Variants in TTF2 observed in about 807,000 individuals in gnomAD.
TTF2 encodes RNA polymerase II termination factor.
Under a neutral mutation model 142.4 loss-of-function variants are expected in TTF2, and 108 were observed. That is an observed-to-expected ratio of 0.76 (90% CI 0.65 to 0.89). The LOEUF is 0.89. TTF2 is among the 40% of genes least tolerant of loss of function. TTF2 has a pLI of 0.00. For missense variants in TTF2, 1,327 were observed against 1,379.8 expected (o/e 0.96, Z 0.61); for synonymous variants, 483 against 506.2 (o/e 0.95, Z 0.61).
intron 18 of TTF2, chr1:117,094,678 G>T: frequency 2.1e-6 from 1 of 487,564 alleles, no homozygotes; most frequent in Non-Finnish European, 4.3e-6. Context: ...GGCCATGTGT[G>T]TACTCACAGC....
intron 2 of TTF2, among the ~76,000 whole-genome samples, chr1:117,061,234 TA>T (rs3835636): frequency 6.6e-6 from 1 of 151,796 alleles, no homozygotes; most frequent in Non-Finnish European, 1.5e-5. Flanking sequence ...TACGAAAAAT[TA>T]AAAAAAATTG....
intron 8 of TTF2, 150 bp downstream of exon 8, chr1:117,078,193 A>G: frequency 1.0e-6 from 1 of 981,006 alleles, no homozygotes; most frequent in Non-Finnish European, 1.4e-6. Context: ...TTTATGCTTA[A>G]CAGTGCAAAC....
At chr1:117,094,800 G>A in intron 18 of TTF2, 1 of 372,998 alleles carries the variant, frequency 2.7e-6, no homozygotes, top group South Asian at 2.1e-5. Context: ...GTATGACAAG[G>A]ACCGTGATAA....
chr1:117,098,894 G>A lies in TTF2; in HGVS notation c.3331G>A (p.Val1111Ile). The change falls in exon 22 of 23, where the codon GTT becomes ATT. Residue 1111 changes from valine (V) to isoleucine (I), a missense_variant. By Grantham distance (29) the Val-to-Ile change is conservative. Transcript: ENST00000369466. Reference protein sequence around the residue: ...RIYRVGQQKDVVIHRFVCEGT... With the variant: ...RIYRVGQQKDIVIHRFVCEGT... ...TTACCGAGTAGGGCAGCAGAAAGAT[G>A]TTGTCATACACAGGTAAGTAATGGT... The A allele has an allele frequency of 6.2e-7, 1 of 1,612,890 alleles. No homozygotes were observed. Among genetic ancestry groups the A allele is most frequent in the Non-Finnish European group, 8.5e-7 (1 of 1,179,616 alleles).
At position 117,090,692 on chromosome 1, in the gene TTF2, G is replaced by A. The variant is rs1648492794; in HGVS notation, c.2588+69G>A. The A allele has an allele frequency of 2.2e-6, 3 of 1,349,726 alleles. No individual in the cohort carries two copies. Among genetic ancestry groups the A allele is most frequent in the Admixed American group, 1.9e-5 (1 of 51,430 alleles). 83.6% of individuals were successfully genotyped at this position (1,349,726 alleles called of 1,614,324 possible). A position where few individuals can be genotyped will look rare whatever the true frequency, so the allele number is the denominator to read the frequency against. On this transcript the variant is annotated intron_variant, in intron 15 of 22. Coordinates refer to ENST00000369466, the MANE Select transcript of TTF2 (RefSeq NM_003594.4). This position sits in a 1 kb window ranked among gnomAD's most constrained non-coding sequence, Gnocchi z 4.8. ...TCCTGTCTTTTCTTGGGAGTGAGTT[G>A]AAGGTCAAATTTCCACAAACTTTAT... is the stretch of plus-strand genomic sequence containing the variant.
chr1:117,064,564 C>T (rs1655936993), intron 3 of TTF2, among the ~76,000 whole-genome samples: 1 of 152,146 alleles, frequency 6.6e-6, no homozygotes, highest in Non-Finnish European at 1.5e-5. Flanking sequence ...GTCTTCCAGG[C>T]TGGAGTGCCG....
Position 117,085,750 on chromosome 1 carries a change from ATAAAG to A in TTF2, c.2055-664_2055-660del, listed in dbSNP as rs1647944603. On this transcript the variant is annotated intron_variant, in intron 11 of 22. Transcript: ENST00000369466. The surrounding 1 kb of genome is among the most constrained non-coding windows in gnomAD (Gnocchi z 4.7). ...TTGTCTCAAAAAATAAATAAATAAAATAAAGTATTTATTGAAGTTCTCACAATATT... is the reference window on the plus strand; with the variant it reads ...TTGTCTCAAAAAATAAATAAATAAAATATTTATTGAAGTTCTCACAATATT... Among the ~76,000 whole-genome samples, 1 of 152,228 alleles carries A rather than the reference ATAAAG, an allele frequency of 6.6e-6. No homozygotes were observed. The highest frequency in any genetic ancestry group is 6.5e-5 in the Admixed American group (1 of 15,288).
rs560146063 is a variant in TTF2 at position 117,075,957 on chromosome 1, G to T, written c.1275+98G>T. On this transcript the variant is annotated intron_variant, in intron 5 of 22. Transcript: ENST00000369466. This position sits in a 1 kb window ranked among gnomAD's most constrained non-coding sequence, Gnocchi z 4.5. ...CTACAGAAGGGTTAAATATGTTCAT[G>T]TGAAGGTTTTATAGGTGCATGTTCA... 2.0e-4 allele frequency: 295 copies of T among 1,482,422 alleles called. 5 individuals are homozygous for T. The South Asian group carries it at 3.9e-3, about 20-fold the overall frequency. The allele number at this position is 1,482,422 out of a possible 1,614,324, so 91.8% of individuals were successfully genotyped here. A position where few individuals can be genotyped will look rare whatever the true frequency, so the allele number is the denominator to read the frequency against.
At chr1:117,084,310 A>G (rs1176021089) in intron 11 of TTF2, 142 bp downstream of exon 11, 3 of 1,076,534 alleles carry the variant, frequency 2.8e-6, no homozygotes, top group Non-Finnish European at 4.0e-6. Context: ...TCTCGTCACC[A>G]TACAGCCTTT....
At position 117,099,036 on chromosome 1, in the gene TTF2, C is replaced by T. The variant is rs1557834064; in HGVS notation, c.3344+129C>T. On this transcript the variant is annotated intron_variant, in intron 22 of 22. Transcript: ENST00000369466. The surrounding 1 kb of genome is among the most constrained non-coding windows in gnomAD (Gnocchi z 4.3). ...GACTTTACTGATGATGCCCCTGAGG[C>T]ATACCTTCAGGCAAACCACAGTCAG... The T allele has an allele frequency of 1.2e-6, 1 of 823,172 alleles. No homozygotes were observed. Among genetic ancestry groups the T allele is most frequent in the Non-Finnish European group, 1.8e-6 (1 of 559,638 alleles). 51.0% of individuals were successfully genotyped at this position (823,172 alleles called of 1,614,324 possible). A position where few individuals can be genotyped will look rare whatever the true frequency, so the allele number is the denominator to read the frequency against.
rs556319225 is a variant in TTF2 at position 117,064,864 on chromosome 1, T to C, written c.218+2391T>C. Among the ~76,000 whole-genome samples, 5 of 151,584 alleles carry C rather than the reference T, an allele frequency of 3.3e-5. No individual in the cohort carries two copies. The East Asian group carries it at 7.8e-4, about 24-fold the overall frequency. On this transcript the variant is annotated intron_variant, in intron 3 of 22. Transcript: ENST00000369466. ...CTTTTTTTTTTTAGTAGCTTTTTCA[T>C]ATAGGTCTATTATCTATATCTTAAA...
chr1:117,076,353 G>A lies in TTF2; in HGVS notation c.1390+59G>A. The A allele has an allele frequency of 1.5e-6, 2 of 1,361,672 alleles. No homozygotes were observed. Among genetic ancestry groups the A allele is most frequent in the Non-Finnish European group, 2.0e-6 (2 of 977,642 alleles). 84.3% of individuals were successfully genotyped at this position (1,361,672 alleles called of 1,614,324 possible). A position where few individuals can be genotyped will look rare whatever the true frequency, so the allele number is the denominator to read the frequency against. Reference sequence around the variant, plus strand: ...GCATCGACTTTACAAGAGACATTCGGGAAGCCCTTTTAATAAAGAATGTGT... The same window carrying A: ...GCATCGACTTTACAAGAGACATTCGAGAAGCCCTTTTAATAAAGAATGTGT... On this transcript the variant is annotated intron_variant, in intron 6 of 22. Transcript: ENST00000369466. This position sits in a 1 kb window ranked among gnomAD's most constrained non-coding sequence, Gnocchi z 4.6.
chr1:117,078,059 C>A lies in TTF2; in HGVS notation c.1701+16C>A. ...CGGGCTGAAGGTGAGCCAGGGAAGA[C>A]TCCTGGTGTAGTCCTCTATGACAGT... On this transcript the variant is annotated intron_variant, in intron 8 of 22. Transcript: ENST00000369466. 1 of 1,613,182 alleles carries A rather than the reference C, an allele frequency of 6.2e-7. No homozygotes were observed. Among genetic ancestry groups the A allele is most frequent in the African/African-American group, 1.3e-5 (1 of 75,038 alleles).
intron 3 of TTF2, among the ~76,000 whole-genome samples, chr1:117,062,889 C>CTA (rs1264948663): frequency 6.6e-6 from 1 of 152,076 alleles, no homozygotes; most frequent in African/African-American, 2.4e-5. Context: ...GCAGAGAAGT[C>CTA]TATAGAGCTG....
rs1019997457 is a variant in TTF2, at chr1:117,073,899, C to T, written c.285+172C>T. Among the ~76,000 whole-genome samples the T allele has an allele frequency of 6.6e-6, 1 of 152,178 alleles. No individual in the cohort carries two copies. Among genetic ancestry groups the T allele is most frequent in the Non-Finnish European group, 1.5e-5 (1 of 68,038 alleles). Reference sequence around the variant, plus strand: ...CTGTTGGGACTTTTATTCAAAGGATCATTTAGTCGTAATCAAGATTAATTA... The same window carrying T: ...CTGTTGGGACTTTTATTCAAAGGATTATTTAGTCGTAATCAAGATTAATTA... On this transcript the variant is annotated intron_variant, in intron 4 of 22. Coordinates refer to ENST00000369466, the MANE Select transcript of TTF2 (RefSeq NM_003594.4). The surrounding 1 kb of genome is among the most constrained non-coding windows in gnomAD (Gnocchi z 4.4).
rs544726052 is a variant in TTF2, at chr1:117,065,988, C to CTTT, written c.218+3542_218+3544dup. ...CTACCATTGAAAGCCCACTATATACCTTTTTTTTTTTTTTTTTTTTTTTTT... is the reference window on the plus strand; with the variant it reads ...CTACCATTGAAAGCCCACTATATACCTTTTTTTTTTTTTTTTTTTTTTTTTTTT... On this transcript the variant is annotated intron_variant, in intron 3 of 22. Transcript: ENST00000369466. 5.1e-3 allele frequency among the ~76,000 whole-genome samples: 498 copies of CTTT among 97,972 alleles called. 81 individuals are homozygous for CTTT. The highest frequency in any genetic ancestry group is 0.022 in the African/African-American group (465 of 21,034). 64.3% of individuals were successfully genotyped at this position (97,972 alleles called of 152,430 possible).
At chr1:117,084,422 TTCA>T (rs2101083149) in intron 11 of TTF2, among the ~76,000 whole-genome samples, 1 of 152,300 alleles carries the variant, frequency 6.6e-6, no homozygotes, top group Non-Finnish European at 1.5e-5. Context: ...GGAGCTGCCA[TTCA>T]GGTGACAGCA....
Position 117,102,067 on chromosome 1 carries a change from A to C in TTF2, c.*543A>C, listed in dbSNP as rs1424093986. On this transcript the variant is annotated 3_prime_UTR_variant, in exon 23 of 23. Coordinates refer to ENST00000369466, the MANE Select transcript of TTF2 (RefSeq NM_003594.4). ...TGAGGCAGGAGGATCCCTTGAGTCCAGGAGGTTGAGGCTGCAGTGAGCTGT... is the reference window on the plus strand; with the variant it reads ...TGAGGCAGGAGGATCCCTTGAGTCCCGGAGGTTGAGGCTGCAGTGAGCTGT... 1 of 152,630 alleles carries C rather than the reference A, an allele frequency of 6.6e-6. No individual in the cohort carries two copies. Among genetic ancestry groups the C allele is most frequent in the Non-Finnish European group, 1.5e-5 (1 of 68,406 alleles). The allele number at this position is 152,630 out of a possible 1,614,324, so 9.5% of individuals were successfully genotyped here. A position where few individuals can be genotyped will look rare whatever the true frequency, so the allele number is the denominator to read the frequency against.
Position 117,086,308 on chromosome 1 carries a change from C to A in TTF2, c.2055-109C>A. 1 of 696,252 alleles carries A rather than the reference C, an allele frequency of 1.4e-6. No homozygotes were observed. Among genetic ancestry groups the A allele is most frequent in the Admixed American group, 2.2e-5 (1 of 46,160 alleles). The allele number at this position is 696,252 out of a possible 1,614,324, so 43.1% of individuals were successfully genotyped here. A position where few individuals can be genotyped will look rare whatever the true frequency, so the allele number is the denominator to read the frequency against. ...TAAGGACACAAGTTAATGAGTTCTG[C>A]TGTTTGTCCTTCCATTTGTAGGCAT... is the stretch of plus-strand genomic sequence containing the variant. On this transcript the variant is annotated intron_variant, in intron 11 of 22. Transcript: ENST00000369466. This position sits in a 1 kb window ranked among gnomAD's most constrained non-coding sequence, Gnocchi z 4.2.
Sources: gnomAD v4.1 joint callset for allele counts (sites outside exome capture counted in the v4.1 genomes callset) on GRCh38, gnomAD v4.1.1 for gene constraint, Gnocchi (gnomAD v3.1) non-coding constraint, MANE v1.5 for transcripts, NCBI Gene and HGNC (gene_info 2026-07-23, HGNC 2026-07-21) for gene names.